TMPRSS15: variants seen among roughly 807,000 people sequenced by gnomAD.
TMPRSS15 encodes enteropeptidase.
In TMPRSS15, 128 loss-of-function variants were observed where a neutral mutation model predicts 125.3. The ratio of observed to expected loss-of-function variants is 1.02; its 90% CI spans 0.89 to 1.18. The LOEUF (loss-of-function observed/expected upper bound fraction) is 1.18. TMPRSS15 is among the 50% of genes most tolerant of loss of function. TMPRSS15 has a pLI of 0.00. For synonymous variants in TMPRSS15, 446 were observed against 423.2 expected (o/e 1.05, Z -0.66); for missense variants, 1,283 against 1,212.7 (o/e 1.06, Z -0.86).
At chr21:18,372,154 G>A (rs758356078) in intron 6 of TMPRSS15, 39 bp downstream of exon 6, 2 of 1,419,756 alleles carry the variant, frequency 1.4e-6, no homozygotes, top group South Asian at 1.1e-5. Flanking sequence ...AGTGAGGGAG[G>A]ATAAAACAGA....
intron 15 of TMPRSS15, 104 bp from the exon 16 acceptor site, chr21:18,326,676 T>C: frequency 1.5e-6 from 2 of 1,349,878 alleles, no homozygotes. Context: ...GGCTACATGT[T>C]ACATGGCTCG....
chr21:18,465,477 G>A (rs936859802), intron 1 of TMPRSS15, among the ~76,000 whole-genome samples: 1 of 152,146 alleles, frequency 6.6e-6, no homozygotes, highest in Non-Finnish European at 1.5e-5. Flanking sequence ...AATTGTCTCT[G>A]TTTGCAGATG....
chr21:18,369,123 C>T (rs2075767083), intron 6 of TMPRSS15, among the ~76,000 whole-genome samples: 1 of 152,196 alleles, frequency 6.6e-6, no homozygotes, highest in Admixed American at 6.5e-5. Context: ...ATAAATGAGC[C>T]TGTCAAATTA....
intron 1 of TMPRSS15, among the ~76,000 whole-genome samples, chr21:18,468,607 TAC>T (rs1978714717): frequency 6.6e-6 from 1 of 152,136 alleles, no homozygotes; most frequent in Non-Finnish European, 1.5e-5. Flanking sequence ...TTTTATTATA[TAC>T]ATTTAGAAGT....
intron 1 of TMPRSS15, among the ~76,000 whole-genome samples, chr21:18,434,806 C>T (rs1456592313): frequency 6.6e-6 from 1 of 152,012 alleles, no homozygotes; most frequent in African/African-American, 2.4e-5. Context: ...TTAGTTACTT[C>T]TAAATAAATA....
At chr21:18,366,000 G>T (rs1483879293) in intron 6 of TMPRSS15, among the ~76,000 whole-genome samples, 1 of 152,020 alleles carries the variant, frequency 6.6e-6, no homozygotes, top group Admixed American at 6.6e-5. Context: ...CTCCCAAAAT[G>T]CTGGGATTAC....
Position 18,315,262 on chromosome 21 carries a change from G to A in TMPRSS15, c.1922-6C>T, listed in dbSNP as rs919533593. Reference sequence around the variant, plus strand: ...ATGGTCTGCCTTGCATGGCTCTATGGGGAAAGAATGTTTATTGTATAGGAT... The same window carrying A: ...ATGGTCTGCCTTGCATGGCTCTATGAGGAAAGAATGTTTATTGTATAGGAT... On this transcript the variant is annotated splice_polypyrimidine_tract_variant and splice_region_variant and intron_variant, in intron 16 of 24. Transcript: ENST00000284885. The A allele has an allele frequency of 1.2e-6, 2 of 1,602,196 alleles. No homozygotes were observed. Among genetic ancestry groups the A allele is most frequent in the East Asian group, 4.5e-5 (2 of 44,806 alleles).
Position 18,389,298 on chromosome 21 carries a change from T to A in TMPRSS15, c.345-5520A>T, listed in dbSNP as rs140278480. On this transcript the variant is annotated intron_variant, in intron 3 of 24. Coordinates refer to ENST00000284885, the MANE Select transcript of TMPRSS15 (RefSeq NM_002772.3). Reference sequence around the variant, plus strand: ...GGAAGGGAGGAAGATTAAACCTTTTTGCATAAAAAGATAAAGCTTTCATTG... The same window carrying A: ...GGAAGGGAGGAAGATTAAACCTTTTAGCATAAAAAGATAAAGCTTTCATTG... 3.1e-4 allele frequency among the ~76,000 whole-genome samples: 47 copies of A among 152,028 alleles called. No homozygotes were observed. The East Asian group carries it at 7.3e-3, about 24-fold the overall frequency.
At chr21:18,331,172 A>G (rs117640246) in intron 14 of TMPRSS15, among the ~76,000 whole-genome samples, 2,206 of 150,456 alleles carry the variant, frequency 0.015, 19 homozygotes, top group Non-Finnish European at 0.024. Context: ...TTTTTTGGGG[A>G]TGAGGTATTT....
At chr21:18,469,800 C>T (rs1978739809) in intron 1 of TMPRSS15, among the ~76,000 whole-genome samples, 1 of 151,990 alleles carries the variant, frequency 6.6e-6, no homozygotes, top group South Asian at 2.1e-4. Context: ...AAATAACTGT[C>T]TCGTTATTGT....
At chr21:18,380,087 T>C (rs972836933) in intron 4 of TMPRSS15, among the ~76,000 whole-genome samples, 2 of 151,856 alleles carry the variant, frequency 1.3e-5, no homozygotes, top group African/African-American at 4.8e-5. Context: ...GTGGTCTTTC[T>C]TTATCTCACC....
intron 16 of TMPRSS15, among the ~76,000 whole-genome samples, chr21:18,322,191 T>C (rs1569007340): frequency 6.6e-6 from 1 of 152,144 alleles, no homozygotes; most frequent in Non-Finnish European, 1.5e-5. Flanking sequence ...AGTTTCATTA[T>C]AAGAATCTGA....
At chr21:18,349,345 CA>C in intron 10 of TMPRSS15, among the ~76,000 whole-genome samples, 1 of 152,246 alleles carries the variant, frequency 6.6e-6, no homozygotes, top group East Asian at 1.9e-4. Flanking sequence ...TGACTGCTGA[CA>C]ATACAGAGAT....
chr21:18,336,130 C>T (rs529239248), intron 13 of TMPRSS15, among the ~76,000 whole-genome samples: 8 of 151,904 alleles, frequency 5.3e-5, no homozygotes, highest in East Asian at 1.9e-4. Flanking sequence ...TTCTGATGTC[C>T]GTGAAATGTG....
chr21:18,279,893 CA>C (rs1243969420), intron 22 of TMPRSS15, among the ~76,000 whole-genome samples: 6 of 152,106 alleles, frequency 3.9e-5, no homozygotes. Context: ...TGACATTGGT[CA>C]CTGACTTTTA....
chr21:18,289,578 T>C (rs1305490552), intron 21 of TMPRSS15, among the ~76,000 whole-genome samples: 1 of 152,224 alleles, frequency 6.6e-6, no homozygotes, highest in Non-Finnish European at 1.5e-5. Context: ...ATACCTCATA[T>C]ATGAAATTAT....
At chr21:18,411,319 T>C (rs2019578556) in intron 1 of TMPRSS15, among the ~76,000 whole-genome samples, 1 of 152,084 alleles carries the variant, frequency 6.6e-6, no homozygotes, top group Admixed American at 6.6e-5. Flanking sequence ...TACTAGGTAT[T>C]CTTAGGCATT....
upstream of TMPRSS15, among the ~76,000 whole-genome samples, chr21:18,406,319 G>A (rs1049876328): frequency 2.2e-4 from 33 of 152,140 alleles, no homozygotes; most frequent in East Asian, 1.7e-3. Context: ...CTTCTGGGAC[G>A]TCAAGTCTGG....
At chr21:18,450,111 G>C (rs934287181) in intron 1 of TMPRSS15, among the ~76,000 whole-genome samples, 4 of 151,980 alleles carry the variant, frequency 2.6e-5, no homozygotes. Context: ...GTAAATGGCC[G>C]CAGCATATAG....
Sources: gnomAD v4.1 joint callset for allele counts (sites outside exome capture counted in the v4.1 genomes callset) on GRCh38, gnomAD v4.1.1 for gene constraint, MANE v1.5 for transcripts, NCBI Gene and HGNC (gene_info 2026-07-23, HGNC 2026-07-21) for gene names.